The following CHRNA7 variants were observed in gnomAD, a reference collection of about 807,000 sequenced individuals.
CHRNA7 encodes the protein neuronal acetylcholine receptor subunit alpha-7.
CHRNA7 carries 17 observed loss-of-function variants against 48.0 expected under a neutral mutation model. The observed-to-expected ratio is 0.35, with a 90% CI of 0.24 to 0.53. The LOEUF (loss-of-function observed/expected upper bound fraction) is 0.53. Ranked by LOEUF, CHRNA7 falls within the 20% of genes least tolerant of loss-of-function variation. The pLI is 0.92. For missense variants in CHRNA7, 155 were observed against 577.7 expected (o/e 0.27, Z 7.50); for synonymous variants, 75 against 242.3 (o/e 0.31, Z 6.41).
At chr15:32,076,535 C>T (rs529639475) in intron 2 of CHRNA7, among the ~76,000 whole-genome samples, 9 of 152,170 alleles carry the variant, frequency 5.9e-5, no homozygotes, top group Admixed American at 5.2e-4. Flanking sequence ...ATTTTCAAAT[C>T]GTGTGTATTG....
chr15:32,037,909 T>C (rs1240175946), intron 2 of CHRNA7, among the ~76,000 whole-genome samples: 1 of 151,746 alleles, frequency 6.6e-6, no homozygotes, highest in Non-Finnish European at 1.5e-5. Flanking sequence ...ATTTCCTTTT[T>C]CTTGTCCTTT....
At chr15:32,138,165 C>G (rs1156415999) in intron 4 of CHRNA7, among the ~76,000 whole-genome samples, 1 of 151,950 alleles carries the variant, frequency 6.6e-6, no homozygotes, top group East Asian at 1.9e-4. Context: ...CTAATAAAAT[C>G]AACATACCTC....
chr15:32,053,060 A>G (rs1386716162), intron 2 of CHRNA7, among the ~76,000 whole-genome samples: 1 of 152,210 alleles, frequency 6.6e-6, no homozygotes, highest in Non-Finnish European at 1.5e-5. Flanking sequence ...CCAATTTATT[A>G]TGGTTGAAAT....
rs139789229 is a variant in CHRNA7, at chr15:32,063,141, T to A, written c.195+32104T>A. Among the ~76,000 whole-genome samples, 28 of 152,124 alleles carry A rather than the reference T, an allele frequency of 1.8e-4. No homozygotes were observed. The East Asian group carries it at 4.6e-3, about 25-fold the overall frequency. ...CAGGACTGGAAGTTGCTCTGGTGAG[T>A]CAGTGAGTGAGTAGTGAGTAAATGT... On this transcript the variant is annotated intron_variant, in intron 2 of 9. Transcript: ENST00000306901.
intron 4 of CHRNA7, among the ~76,000 whole-genome samples, chr15:32,125,333 C>G (rs532452678): frequency 6.6e-6 from 1 of 152,188 alleles, no homozygotes; most frequent in Admixed American, 6.5e-5. Context: ...CTGAGGAAAA[C>G]GATAAAAATT....
At chr15:32,055,846 G>A (rs887631561) in intron 2 of CHRNA7, among the ~76,000 whole-genome samples, 1 of 152,160 alleles carries the variant, frequency 6.6e-6, no homozygotes, top group Admixed American at 6.5e-5. Context: ...GGGCGTGGTA[G>A]CAGGCGCCTG....
intron 2 of CHRNA7, among the ~76,000 whole-genome samples, chr15:32,041,354 G>C (rs1238618553): frequency 6.6e-6 from 1 of 152,234 alleles, no homozygotes. Flanking sequence ...GGATGAAACT[G>C]TTCCACCTCA....
chr15:32,107,661 C>T (rs528642014), intron 3 of CHRNA7, among the ~76,000 whole-genome samples: 15 of 152,264 alleles, frequency 9.9e-5, no homozygotes, highest in South Asian at 8.3e-4. Flanking sequence ...GACAGGGCGT[C>T]GTGGCCGCAA....
chr15:32,065,438 C>T (rs1463338490), intron 2 of CHRNA7, among the ~76,000 whole-genome samples: 1 of 152,188 alleles, frequency 6.6e-6, no homozygotes, highest in African/African-American at 2.4e-5. Flanking sequence ...AAGCCTTTTC[C>T]CTGGGTTGTT....
At chr15:32,158,694 A>AACCCTGATGGAGTCCTGCG in intron 7 of CHRNA7, 88 bp downstream of exon 7, 1 of 969,900 alleles carries the variant, frequency 1.0e-6, no homozygotes, top group Non-Finnish European at 1.5e-6. Context: ...ACAGCGCAGG[A>AACCCTGATGGAGTCCTGCG]CTCCATCAGG....
chr15:32,051,496 G>A (rs531644177), intron 2 of CHRNA7, among the ~76,000 whole-genome samples: 7 of 152,318 alleles, frequency 4.6e-5, no homozygotes, highest in South Asian at 4.1e-4. Context: ...TCCGAAGCCC[G>A]TCAGAAAAGC....
At chr15:32,045,757 T>A (rs2141177762) in intron 2 of CHRNA7, among the ~76,000 whole-genome samples, 1 of 151,486 alleles carries the variant, frequency 6.6e-6, no homozygotes, top group Non-Finnish European at 1.5e-5. Flanking sequence ...CATGCTGGTG[T>A]GCTGCACCCA....
intron 2 of CHRNA7, among the ~76,000 whole-genome samples, chr15:32,092,472 ATTTT>A (rs746684374): frequency 3.9e-5 from 6 of 151,990 alleles, no homozygotes; most frequent in Admixed American, 1.3e-4. Flanking sequence ...TTATTTTAAA[ATTTT>A]TATTTATGTA....
intron 2 of CHRNA7, among the ~76,000 whole-genome samples, chr15:32,047,076 G>C (rs1180702865): frequency 6.8e-6 from 1 of 147,532 alleles, no homozygotes; most frequent in Non-Finnish European, 1.5e-5. Flanking sequence ...CTGTAGCCTT[G>C]TAGTATATAG....
intron 2 of CHRNA7, among the ~76,000 whole-genome samples, chr15:32,057,110 T>A (rs1258471201): frequency 6.6e-6 from 1 of 152,200 alleles, no homozygotes; most frequent in Non-Finnish European, 1.5e-5. Flanking sequence ...AATCTAGCTG[T>A]TCATGGTTAG....
intron 2 of CHRNA7, among the ~76,000 whole-genome samples, chr15:32,051,934 C>T (rs2049691182): frequency 6.6e-6 from 1 of 152,190 alleles, no homozygotes; most frequent in Admixed American, 6.5e-5. Context: ...GCCTTGGCCT[C>T]CCAAAGTGCT....
chr15:32,082,267 T>C lies in CHRNA7; in HGVS notation c.196-19036T>C, dbSNP rs180987850. Among the ~76,000 whole-genome samples, 562 of 152,288 alleles carry C rather than the reference T, an allele frequency of 3.7e-3. 4 individuals are homozygous for C. The highest frequency in any genetic ancestry group is 0.013 in the African/African-American group (529 of 41,576). On this transcript the variant is annotated intron_variant, in intron 2 of 9. Transcript: ENST00000306901. The stretch of plus-strand genomic sequence containing the variant: ...GTCTTTTATCAAATTTGTGAAGTGT[T>C]GGTCATTATTCATGTACTTTTTCAA...
In CHRNA7 at chr15:32,121,279, CTG is replaced by C. The variant is rs141624209; in HGVS notation, c.350+9383_350+9384del. Among the ~76,000 whole-genome samples, 1,387 of 152,328 alleles carry C rather than the reference CTG, an allele frequency of 9.1e-3. 27 individuals carry two copies. The highest frequency in any genetic ancestry group is 0.032 in the African/African-American group (1,335 of 41,580). On this transcript the variant is annotated intron_variant, in intron 4 of 9. Coordinates refer to ENST00000306901, the MANE Select transcript of CHRNA7 (RefSeq NM_000746.6). The stretch of plus-strand genomic sequence containing the variant: ...CTGGGGACCTACTCTGTGTAAGACA[CTG>C]TGCTTCTAGGAAGACGCACATTCAC...
At chr15:32,150,159 C>T (rs2051593981) in intron 4 of CHRNA7, among the ~76,000 whole-genome samples, 1 of 152,154 alleles carries the variant, frequency 6.6e-6, no homozygotes, top group Non-Finnish European at 1.5e-5. Flanking sequence ...TCAACTAATC[C>T]TCCTGCCTCA....
Sources: gnomAD v4.1 joint callset for allele counts (sites outside exome capture counted in the v4.1 genomes callset) on GRCh38, gnomAD v4.1.1 for gene constraint, MANE v1.5 for transcripts, NCBI Gene and HGNC (gene_info 2026-07-23, HGNC 2026-07-21) for gene names.